DPP6: variants seen among roughly 807,000 people sequenced by gnomAD.
DPP6 encodes dipeptidyl peptidase like 6.
In DPP6, 69 loss-of-function variants were observed where a neutral mutation model predicts 122.6. The observed-to-expected ratio is 0.56, with a 90% CI of 0.46 to 0.69. The LOEUF (loss-of-function observed/expected upper bound fraction) is 0.69, where lower values mean the gene tolerates loss of function less well. Ranked by LOEUF, DPP6 falls within the 30% of genes least tolerant of loss-of-function variation. DPP6 has a pLI of 0.00. For missense variants in DPP6, 928 were observed against 1,116.9 expected, an observed-to-expected ratio of 0.83 and a Z score of 2.41; for synonymous variants, 418 against 433.1, an observed-to-expected ratio of 0.97 and a Z score of 0.43.
intron 2 of DPP6, among the ~76,000 whole-genome samples, chr7:154,447,167 G>C (rs372061049): frequency 2.0e-5 from 3 of 152,084 alleles, no homozygotes; most frequent in Admixed American, 1.3e-4. Flanking sequence ...TTAGCCAGGC[G>C]TGGTGGCAAG....
Position 154,481,479 on chromosome 7 carries a change from C to G in DPP6, c.457+6442C>G, listed in dbSNP as rs1350548447. Among the ~76,000 whole-genome samples the G allele has an allele frequency of 6.6e-6, 1 of 151,432 alleles. No individual in the cohort carries two copies. Among genetic ancestry groups the G allele is most frequent in the African/African-American group, 2.4e-5 (1 of 41,168 alleles). On this transcript the variant is annotated intron_variant, in intron 3 of 25. Coordinates refer to ENST00000377770, the MANE Select transcript of DPP6 (RefSeq NM_130797.4). This position sits in a 1 kb window ranked among gnomAD's most constrained non-coding sequence, Gnocchi z 4.2. ...CCAGCACTACATCATCCTCCCCCAA[C>G]CTCTTCACAGACCCCCCGCTGCCCA...
chr7:154,313,131 T>C (rs548697560), intron 1 of DPP6, among the ~76,000 whole-genome samples: 3 of 152,278 alleles, frequency 2.0e-5, no homozygotes, highest in Middle Eastern at 3.4e-3. Flanking sequence ...TAATATCCCA[T>C]CCACTTATTA....
At chr7:154,434,393 G>A (rs1818692168) in intron 1 of DPP6, among the ~76,000 whole-genome samples, 2 of 152,102 alleles carry the variant, frequency 1.3e-5, no homozygotes, top group Non-Finnish European at 2.9e-5. Flanking sequence ...GCATGTGGCT[G>A]CTGGCTTTCA....
chr7:154,402,391 A>G (rs1219120221), intron 1 of DPP6, among the ~76,000 whole-genome samples: 1 of 148,080 alleles, frequency 6.8e-6, no homozygotes, highest in East Asian at 2.0e-4. Flanking sequence ...AATGTGGCAC[A>G]TATACACCAT....
At chr7:153,804,148 C>G in the DPP6 span, among the ~76,000 whole-genome samples, 1 of 151,708 alleles carries the variant, frequency 6.6e-6, no homozygotes, top group Non-Finnish European at 1.5e-5. Context: ...CTCCCTATTT[C>G]AAGCAATTCT....
In DPP6 at chr7:154,624,642, T is replaced by C. The variant is rs2130869530; in HGVS notation, c.628-13179T>C. On this transcript the variant is annotated intron_variant, in intron 5 of 25. Coordinates refer to ENST00000377770, the MANE Select transcript of DPP6 (RefSeq NM_130797.4). This position sits in a 1 kb window ranked among gnomAD's most constrained non-coding sequence, Gnocchi z 4.7. ...GATGACCCCGTGGTGGTCAGGTACC[T>C]TGCTGCTCTGCACACAAACAATAGA... Among the ~76,000 whole-genome samples the C allele has an allele frequency of 6.6e-6, 1 of 152,272 alleles. No homozygotes were observed. The highest frequency in any genetic ancestry group is 1.9e-4 in the East Asian group (1 of 5,174).
At chr7:154,292,772 A>C (rs1805291743) in intron 1 of DPP6, among the ~76,000 whole-genome samples, 1 of 152,210 alleles carries the variant, frequency 6.6e-6, no homozygotes, top group Non-Finnish European at 1.5e-5. Context: ...GTGGAGTTCC[A>C]ATAGCTCATA....
intron 5 of DPP6, among the ~76,000 whole-genome samples, chr7:154,574,646 GTGGTGTAGTGT>G (rs1831381810): frequency 2.2e-5 from 3 of 136,182 alleles, no homozygotes; most frequent in Admixed American, 7.5e-5. Context: ...TGTGGTGTGT[GTGGTGTAGTGT>G]TTGTGTATGT....
intron 1 of DPP6, among the ~76,000 whole-genome samples, chr7:154,066,044 T>TG (rs200686294): frequency 0.013 from 1,683 of 126,164 alleles, 36 homozygotes; most frequent in African/African-American, 0.047. Context: ...TTCAGATTTG[T>TG]TTTTTTTTTT....
intron 1 of DPP6, among the ~76,000 whole-genome samples, chr7:153,918,840 A>G (rs1800498827): frequency 6.6e-6 from 1 of 151,840 alleles, no homozygotes; most frequent in Non-Finnish European, 1.5e-5. Flanking sequence ...TTAGCTGGGC[A>G]TGGTGGTGCA....
rs775438233 is a variant in DPP6 at position 153,964,940 on chromosome 7, T to TTC, written c.51+77207_51+77208insCT. Among the ~76,000 whole-genome samples the TTC allele has an allele frequency of 3.7e-3, 316 of 86,342 alleles. 5 individuals are homozygous for TTC. Among genetic ancestry groups the TTC allele is most frequent in the East Asian group, 0.015 (41 of 2,672 alleles). The allele number at this position is 86,342 out of a possible 152,430, so 56.6% of individuals were successfully genotyped here. A position where few individuals can be genotyped will look rare whatever the true frequency, so the allele number is the denominator to read the frequency against. On this transcript the variant is annotated intron_variant, in intron 1 of 25. Coordinates refer to the DPP6 transcript ENST00000404039. ...TTTCTTTCTTTCTTTCTTTCTTTCT[T>TTC]TTTCTTTCTTTCTCTCTTTCTTTCT...
intron 1 of DPP6, chr7:154,094,514 TCA>T (rs1170572167): frequency 1.3e-5 from 2 of 152,320 alleles, no homozygotes; most frequent in Non-Finnish European, 2.9e-5. Flanking sequence ...TGCGGCGATC[TCA>T]CAGTTGTGAA....
At chr7:154,836,281 C>T (rs1228337578) in intron 16 of DPP6, among the ~76,000 whole-genome samples, 1 of 152,204 alleles carries the variant, frequency 6.6e-6, no homozygotes, top group Non-Finnish European at 1.5e-5. Context: ...TGCATTTGGT[C>T]GACGTGTTTT....
chr7:154,080,132 C>T (rs1340246261), intron 1 of DPP6, among the ~76,000 whole-genome samples: 4 of 151,894 alleles, frequency 2.6e-5, no homozygotes, highest in African/African-American at 9.7e-5. Flanking sequence ...TAACACTTTG[C>T]ATGGAGAAGG....
chr7:154,711,823 T>C (rs1841198579), intron 7 of DPP6, among the ~76,000 whole-genome samples: 1 of 152,178 alleles, frequency 6.6e-6, no homozygotes, highest in African/African-American at 2.4e-5. Flanking sequence ...TAGCCCCCTC[T>C]TTAGCTATTT....
intron 6 of DPP6, among the ~76,000 whole-genome samples, chr7:154,660,525 C>T (rs1586831033): frequency 2.7e-5 from 4 of 146,318 alleles, no homozygotes; most frequent in East Asian, 4.1e-4. Flanking sequence ...ATCACCATGG[C>T]ATATTGGCGC....
At chr7:154,525,885 AT>A (rs1187557630) in intron 3 of DPP6, among the ~76,000 whole-genome samples, 1 of 151,976 alleles carries the variant, frequency 6.6e-6, no homozygotes, top group African/African-American at 2.4e-5. Context: ...TTTCTTTTAC[AT>A]TTCCTCACCG....
At chr7:154,290,557 C>T (rs1265416685) in intron 1 of DPP6, among the ~76,000 whole-genome samples, 2 of 151,654 alleles carry the variant, frequency 1.3e-5, no homozygotes, top group South Asian at 2.1e-4. Context: ...CAGGAGAATC[C>T]CTTGGACCCG....
At chr7:153,822,521 G>C in the DPP6 span, among the ~76,000 whole-genome samples, 1 of 152,130 alleles carries the variant, frequency 6.6e-6, no homozygotes. Context: ...GTTTCAGTTA[G>C]AATATAGAGC....
Sources: gnomAD v4.1 joint callset for allele counts (sites outside exome capture counted in the v4.1 genomes callset) on GRCh38, gnomAD v4.1.1 for gene constraint, Gnocchi (gnomAD v3.1) non-coding constraint, MANE v1.5 for transcripts, NCBI Gene and HGNC (gene_info 2026-07-23, HGNC 2026-07-21) for gene names.